RGS7: variants seen among roughly 807,000 people sequenced by gnomAD.
RGS7 encodes the protein regulator of G protein signaling 7.
RGS7 carries 27 observed loss-of-function variants against 81.1 expected under a neutral mutation model. That is an observed-to-expected ratio of 0.33 (90% CI 0.25 to 0.46). The LOEUF (loss-of-function observed/expected upper bound fraction) is 0.46, where lower values mean the gene tolerates loss of function less well. Among genes scored for constraint, RGS7 ranks in the 20% least tolerant of loss-of-function variants. The pLI is 1.00. For missense variants in RGS7, 396 were observed against 607.4 expected, an observed-to-expected ratio of 0.65 and a Z score of 3.66; for synonymous variants, 208 against 207.7, an observed-to-expected ratio of 1.00 and a Z score of -0.01.
At chr1:240,821,831 A>C (rs1052472553) in intron 10 of RGS7, among the ~76,000 whole-genome samples, 5 of 152,206 alleles carry the variant, frequency 3.3e-5, no homozygotes, top group African/African-American at 1.2e-4. Flanking sequence ...GAAATAGCTT[A>C]CTGTTATTTT....
At chr1:241,205,205 T>C (rs556653472) in intron 2 of RGS7, among the ~76,000 whole-genome samples, 21 of 150,198 alleles carry the variant, frequency 1.4e-4, no homozygotes, top group Non-Finnish European at 2.5e-4. Flanking sequence ...GCCTCCAGAG[T>C]AGCTGGAATT....
At chr1:241,014,266 A>G (rs2059113992) in intron 3 of RGS7, among the ~76,000 whole-genome samples, 1 of 152,236 alleles carries the variant, frequency 6.6e-6, no homozygotes, top group African/African-American at 2.4e-5. Flanking sequence ...GGTCGATTCT[A>G]TAAAATCCAA....
intron 1 of RGS7, among the ~76,000 whole-genome samples, chr1:241,356,576 T>C (rs1210403676): frequency 1.3e-5 from 2 of 152,280 alleles, no homozygotes; most frequent in African/African-American, 4.8e-5. Flanking sequence ...AAAGCCTAAC[T>C]GCAGAAGCCT....
At chr1:241,038,668 C>A (rs923531902) in intron 3 of RGS7, among the ~76,000 whole-genome samples, 1 of 152,144 alleles carries the variant, frequency 6.6e-6, no homozygotes, top group Non-Finnish European at 1.5e-5. Context: ...TTAGGTCTGC[C>A]AATTTGTACC....
chr1:241,345,232 C>G (rs1000285183), intron 2 of RGS7, among the ~76,000 whole-genome samples: 1 of 152,098 alleles, frequency 6.6e-6, no homozygotes, highest in Non-Finnish European at 1.5e-5. Context: ...TGAGGCCTAT[C>G]GGAGGGTGGA....
chr1:240,948,088 G>T (rs973910938), intron 4 of RGS7, among the ~76,000 whole-genome samples: 2 of 152,176 alleles, frequency 1.3e-5, no homozygotes, highest in East Asian at 1.9e-4. Context: ...GACTACACTG[G>T]TGTAGAAGAC....
intron 2 of RGS7, among the ~76,000 whole-genome samples, chr1:241,128,674 T>C (rs867053550): frequency 6.8e-6 from 1 of 147,804 alleles, no homozygotes. Context: ...TGTAAATATA[T>C]ACAAATAATT....
At chr1:240,953,834 A>G (rs1484551375) in intron 4 of RGS7, among the ~76,000 whole-genome samples, 3 of 152,068 alleles carry the variant, frequency 2.0e-5, no homozygotes, top group African/African-American at 7.2e-5. Flanking sequence ...GTAAAAGGTC[A>G]ACAAAATTGA....
intron 2 of RGS7, among the ~76,000 whole-genome samples, chr1:241,126,774 G>A (rs551253989): frequency 3.3e-5 from 5 of 150,768 alleles, no homozygotes; most frequent in East Asian, 3.9e-4. Flanking sequence ...TCTCCTTTTC[G>A]AATTGTGCAT....
chr1:241,185,426 C>A (rs917587528), intron 2 of RGS7, among the ~76,000 whole-genome samples: 1 of 152,050 alleles, frequency 6.6e-6, no homozygotes, highest in Non-Finnish European at 1.5e-5. Flanking sequence ...AATTTCTCTG[C>A]AGTTAATAGA....
At chr1:241,083,651 T>C (rs2063276026) in intron 3 of RGS7, among the ~76,000 whole-genome samples, 1 of 152,214 alleles carries the variant, frequency 6.6e-6, no homozygotes, top group Non-Finnish European at 1.5e-5. Flanking sequence ...TCTGCAAGAA[T>C]TAATTTTTTT....
At chr1:241,236,954 T>C (rs1417222109) in intron 2 of RGS7, among the ~76,000 whole-genome samples, 1 of 152,244 alleles carries the variant, frequency 6.6e-6, no homozygotes, top group Non-Finnish European at 1.5e-5. Flanking sequence ...TTGCCCATTT[T>C]AGTCTGTTAT....
At chr1:240,813,590 T>C (rs1558292860) in intron 13 of RGS7, 28 bp downstream of exon 13, 4 of 1,338,042 alleles carry the variant, frequency 3.0e-6, no homozygotes, top group Admixed American at 1.7e-5. Context: ...AAGCAACATA[T>C]GGGCGAGAAA....
intron 9 of RGS7, among the ~76,000 whole-genome samples, chr1:240,863,405 G>T (rs1471033366): frequency 2.6e-5 from 4 of 152,126 alleles, no homozygotes; most frequent in African/African-American, 9.7e-5. Context: ...AACCGGGGAG[G>T]TGGAGGTTGC....
intron 3 of RGS7, among the ~76,000 whole-genome samples, chr1:241,078,821 C>T (rs2062972694): frequency 6.6e-6 from 1 of 152,086 alleles, no homozygotes; most frequent in African/African-American, 2.4e-5. Context: ...CTTTCACAAT[C>T]ATATATGCAT....
chr1:241,149,945 T>G (rs2068629595), intron 2 of RGS7, among the ~76,000 whole-genome samples: 1 of 152,050 alleles, frequency 6.6e-6, no homozygotes, highest in South Asian at 2.1e-4. Context: ...CCGGCTAATT[T>G]TTTGTATTAG....
intron 3 of RGS7, among the ~76,000 whole-genome samples, chr1:241,016,219 A>G (rs1306331201): frequency 6.6e-6 from 1 of 152,118 alleles, no homozygotes; most frequent in African/African-American, 2.4e-5. Flanking sequence ...CTTAGAAAAA[A>G]TTTTACATAA....
intron 2 of RGS7, among the ~76,000 whole-genome samples, chr1:241,222,197 C>T (rs897139591): frequency 3.3e-5 from 5 of 152,174 alleles, no homozygotes; most frequent in Admixed American, 6.5e-5. Context: ...ATTACTTGAT[C>T]TAACTAATAT....
intron 10 of RGS7, 113 bp from the exon 11 acceptor site, chr1:240,816,528 T>TCAAA: frequency 1.4e-6 from 1 of 709,672 alleles, no homozygotes; most frequent in Non-Finnish European, 2.5e-6. Context: ...GCTTATTTGA[T>TCAAA]TAAGCTTCTT....
Sources: gnomAD v4.1 joint callset for allele counts (sites outside exome capture counted in the v4.1 genomes callset) on GRCh38, gnomAD v4.1.1 for gene constraint, MANE v1.5 for transcripts, NCBI Gene and HGNC (gene_info 2026-07-23, HGNC 2026-07-21) for gene names.